PRKN: variants seen among roughly 807,000 people sequenced by gnomAD.
PRKN encodes the protein parkin RBR E3 ubiquitin protein ligase.
Under a neutral mutation model 59.5 loss-of-function variants are expected in PRKN, and 56 were observed. That is an observed-to-expected ratio of 0.94 (90% CI 0.76 to 1.18). PRKN has a LOEUF of 1.18. PRKN is among the 50% of genes most tolerant of loss of function. The probability of loss-of-function intolerance (pLI) is 0.00; values close to 1 mark genes in which losing one functional copy is unlikely to be tolerated. For missense variants in PRKN, 657 were observed against 596.4 expected (o/e 1.10, Z -1.06); for synonymous variants, 250 against 222.1 (o/e 1.13, Z -1.12).
At chr6:162,196,802 C>A (rs1301506347) in intron 4 of PRKN, among the ~76,000 whole-genome samples, 1 of 152,126 alleles carries the variant, frequency 6.6e-6, no homozygotes, top group South Asian at 2.1e-4. Context: ...ACTGGAGCAT[C>A]ACATTTGAAA....
chr6:162,719,541 T>C (rs886807602), intron 1 of PRKN, among the ~76,000 whole-genome samples: 1 of 33,500 alleles, frequency 3.0e-5, no homozygotes, highest in Admixed American at 6.7e-4. Context: ...TTTGTTTCAA[T>C]GGAAAAAAAA....
chr6:162,230,098 A>C (rs991706763), intron 3 of PRKN, among the ~76,000 whole-genome samples: 1 of 152,214 alleles, frequency 6.6e-6, no homozygotes, highest in Non-Finnish European at 1.5e-5. Flanking sequence ...TATTATTGTA[A>C]AGGTAAACTG....
At chr6:162,585,847 G>A (rs777065381) in intron 1 of PRKN, among the ~76,000 whole-genome samples, 9 of 151,734 alleles carry the variant, frequency 5.9e-5, no homozygotes, top group South Asian at 2.1e-4. Context: ...GATTACAGGC[G>A]CGTGCCACCA....
At position 161,353,580 on chromosome 6, in the gene PRKN, C is replaced by T. The variant is rs919102630; in HGVS notation, c.1286-3369G>A. Among the ~76,000 whole-genome samples the T allele has an allele frequency of 1.3e-5, 2 of 152,188 alleles. No homozygotes were observed. The stretch of plus-strand genomic sequence containing the variant: ...ACCCAGGGAAGGCTTGGAAGCTCCG[C>T]GACCCTTCCCCCATACCTCGCCCTC... On this transcript the variant is annotated intron_variant, in intron 11 of 11. Transcript: ENST00000366898. The surrounding 1 kb of genome is among the most constrained non-coding windows in gnomAD (Gnocchi z 4.8).
At position 161,447,369 on chromosome 6, in the gene PRKN, A is replaced by T. The variant is rs1789539565; in HGVS notation, c.1084-60492T>A. Reference sequence around the variant, plus strand: ...CCTTTTCAGAACTGAACTCATTAGAAATGAATTTACATTTTGATTTAGTTA... The same window carrying T: ...CCTTTTCAGAACTGAACTCATTAGATATGAATTTACATTTTGATTTAGTTA... On this transcript the variant is annotated intron_variant, in intron 9 of 11. Transcript: ENST00000366898. The surrounding 1 kb of genome is among the most constrained non-coding windows in gnomAD (Gnocchi z 4.1). 6.6e-6 allele frequency among the ~76,000 whole-genome samples: 1 copy of T among 152,182 alleles called. No homozygotes were observed. Among genetic ancestry groups the T allele is most frequent in the Non-Finnish European group, 1.5e-5 (1 of 68,044 alleles).
rs1228038469 is a variant in PRKN, at chr6:161,378,844, A to G, written c.1167+7950T>C. 1.3e-5 allele frequency among the ~76,000 whole-genome samples: 2 copies of G among 152,196 alleles called. No individual in the cohort carries two copies. Among genetic ancestry groups the G allele is most frequent in the African/African-American group, 4.8e-5 (2 of 41,456 alleles). ...TCCAGCAGGTAGAACGCAATGGTTC[A>G]GGAATCAAGGGGTGGAAGTAGGGAC... On this transcript the variant is annotated intron_variant, in intron 10 of 11. Transcript: ENST00000366898. This position sits in a 1 kb window ranked among gnomAD's most constrained non-coding sequence, Gnocchi z 7.3.
At chr6:162,353,028 ATTATCT>A (rs1265299806) in intron 2 of PRKN, among the ~76,000 whole-genome samples, 4 of 152,116 alleles carry the variant, frequency 2.6e-5, no homozygotes, top group African/African-American at 9.7e-5. Flanking sequence ...TTTTATTTTG[ATTATCT>A]TTACTAGTAT....
chr6:161,969,059 T>C (rs1207357812), intron 6 of PRKN, among the ~76,000 whole-genome samples: 1 of 152,108 alleles, frequency 6.6e-6, no homozygotes, highest in Non-Finnish European at 1.5e-5. Flanking sequence ...AAAATTATGC[T>C]GAAAGAGAGG....
intron 1 of PRKN, among the ~76,000 whole-genome samples, chr6:162,638,029 A>G (rs1476361053): frequency 7.0e-6 from 1 of 143,744 alleles, no homozygotes; most frequent in African/African-American, 2.4e-5. Flanking sequence ...ACATTCTCAG[A>G]TTCCTTTATA....
intron 4 of PRKN, among the ~76,000 whole-genome samples, chr6:162,174,485 A>C (rs1337095226): frequency 6.6e-6 from 1 of 152,176 alleles, no homozygotes. Flanking sequence ...CTTAACCTGC[A>C]TATTTCTATT....
Position 162,602,529 on chromosome 6 carries a change from A to G in PRKN, c.7+125133T>C, listed in dbSNP as rs556172141. 6.5e-4 allele frequency among the ~76,000 whole-genome samples: 99 copies of G among 152,288 alleles called. 3 individuals are homozygous for G. The South Asian group carries it at 0.02, about 30-fold the overall frequency. ...GGGGCAGCCCAAATGTGTGATTTGG[A>G]ATCATCATTCTCACTGCAGTGGGGA... is the stretch of plus-strand genomic sequence containing the variant. On this transcript the variant is annotated intron_variant, in intron 1 of 11. Transcript: ENST00000366898.
intron 6 of PRKN, among the ~76,000 whole-genome samples, chr6:161,814,084 G>A (rs1235206188): frequency 6.6e-6 from 1 of 152,172 alleles, no homozygotes; most frequent in Admixed American, 6.5e-5. Context: ...CTTTGGTGAT[G>A]CGACGTTTTT....
intron 2 of PRKN, among the ~76,000 whole-genome samples, chr6:162,281,783 C>T (rs1440830322): frequency 6.6e-6 from 1 of 152,100 alleles, no homozygotes; most frequent in South Asian, 2.1e-4. Flanking sequence ...TTTGTAGAAT[C>T]CTAAAATCCA....
chr6:162,175,315 G>A (rs756743905), intron 4 of PRKN, among the ~76,000 whole-genome samples: 3 of 152,180 alleles, frequency 2.0e-5, no homozygotes, highest in Non-Finnish European at 4.4e-5. Flanking sequence ...AAAGAAAAGT[G>A]AGCCAGGGGA....
intron 4 of PRKN, among the ~76,000 whole-genome samples, chr6:162,130,329 A>G (rs962404113): frequency 1.3e-5 from 2 of 152,168 alleles, no homozygotes; most frequent in African/African-American, 4.8e-5. Context: ...CTATTTTTAG[A>G]GGTCAAAAAT....
At chr6:162,282,139 G>A (rs1780936657) in intron 2 of PRKN, among the ~76,000 whole-genome samples, 1 of 152,168 alleles carries the variant, frequency 6.6e-6, no homozygotes, top group Admixed American at 6.5e-5. Context: ...GGGGGTTGGA[G>A]ACCCCTGGTA....
At chr6:162,536,720 A>T (rs1778736321) in intron 1 of PRKN, among the ~76,000 whole-genome samples, 1 of 151,996 alleles carries the variant, frequency 6.6e-6, no homozygotes, top group Admixed American at 6.5e-5. Context: ...AGCTTGGTCC[A>T]TGACATTCAT....
chr6:162,722,432 C>A (rs1208579418), intron 1 of PRKN, among the ~76,000 whole-genome samples: 1 of 152,264 alleles, frequency 6.6e-6, no homozygotes, highest in South Asian at 2.1e-4. Context: ...CCGACTGTCA[C>A]ATGAGTCTCT....
intron 2 of PRKN, among the ~76,000 whole-genome samples, chr6:162,278,490 C>T (rs1230975066): frequency 4.6e-5 from 7 of 151,952 alleles, no homozygotes; most frequent in South Asian, 2.1e-4. Flanking sequence ...AAAAATGTAC[C>T]GCTCTGGTGG....
Sources: gnomAD v4.1 joint callset for allele counts (sites outside exome capture counted in the v4.1 genomes callset) on GRCh38, gnomAD v4.1.1 for gene constraint, Gnocchi (gnomAD v3.1) non-coding constraint, MANE v1.5 for transcripts, NCBI Gene and HGNC (gene_info 2026-07-23, HGNC 2026-07-21) for gene names.